Variants in CADM2 observed in about 807,000 individuals in gnomAD.
The protein encoded by CADM2 is immunoglobulin superfamily member 4D.
CADM2 carries 12 observed loss-of-function variants against 49.8 expected under a neutral mutation model. That is an observed-to-expected ratio of 0.24 (90% confidence interval 0.15 to 0.39). CADM2 has a LOEUF of 0.39. Among genes scored for constraint, CADM2 ranks in the 10% least tolerant of loss-of-function variants. CADM2 has a pLI of 1.00. For missense variants in CADM2, 378 were observed against 492.3 expected (o/e 0.77, Z 2.20); for synonymous variants, 214 against 175.4 (o/e 1.22, Z -1.74).
At chr3:84,962,265 C>T (rs1482087297) in intron 1 of CADM2, among the ~76,000 whole-genome samples, 2 of 148,494 alleles carry the variant, frequency 1.3e-5, no homozygotes, top group African/African-American at 5.0e-5. Context: ...AAAAGAGATA[C>T]GAGGATTTAA....
chr3:85,877,833 T>C lies in CADM2; in HGVS notation c.239-5458T>C, dbSNP rs181210746. Among the ~76,000 whole-genome samples, 357 of 152,096 alleles carry C rather than the reference T, an allele frequency of 2.3e-3. 4 individuals are homozygous for C. Among genetic ancestry groups the C allele is most frequent in the African/African-American group, 8.4e-3 (347 of 41,522 alleles). On this transcript the variant is annotated intron_variant, in intron 3 of 9. Coordinates refer to ENST00000383699, the MANE Select transcript of CADM2 (RefSeq NM_001167675.2). ...AGTTTAGCTCTCAGTTTCAATTCAATAGCTACTCACTGAATGCCTACTGTG... is the reference window on the plus strand; with the variant it reads ...AGTTTAGCTCTCAGTTTCAATTCAACAGCTACTCACTGAATGCCTACTGTG...
chr3:85,508,204 T>C (rs1301895516), intron 1 of CADM2, among the ~76,000 whole-genome samples: 1 of 152,198 alleles, frequency 6.6e-6, no homozygotes. Flanking sequence ...TTATATCCTT[T>C]GGCTTTTTAT....
chr3:85,411,302 T>A (rs1023973613), intron 1 of CADM2, among the ~76,000 whole-genome samples: 3 of 152,150 alleles, frequency 2.0e-5, no homozygotes, highest in Admixed American at 6.5e-5. Flanking sequence ...TGCAGTAGCA[T>A]TCATGAACAT....
intron 1 of CADM2, among the ~76,000 whole-genome samples, chr3:85,371,698 T>C (rs1483637538): frequency 7.0e-6 from 1 of 142,798 alleles, no homozygotes; most frequent in Non-Finnish European, 1.5e-5. Flanking sequence ...TATATATATA[T>C]ATATATATAT....
At chr3:85,745,260 T>G (rs1260364242) in intron 2 of CADM2, among the ~76,000 whole-genome samples, 4 of 152,156 alleles carry the variant, frequency 2.6e-5, no homozygotes, top group African/African-American at 9.7e-5. Flanking sequence ...AAATTGAAGT[T>G]GTTAAAAATA....
intron 1 of CADM2, among the ~76,000 whole-genome samples, chr3:85,100,448 A>G (rs772008504): frequency 1.3e-5 from 2 of 152,164 alleles, no homozygotes; most frequent in African/African-American, 2.4e-5. Flanking sequence ...ATCTATCCTA[A>G]TGCATTGAAA....
intron 8 of CADM2, among the ~76,000 whole-genome samples, chr3:86,008,479 C>G (rs964087003): frequency 6.6e-6 from 1 of 152,010 alleles, no homozygotes; most frequent in African/African-American, 2.4e-5. Flanking sequence ...ATTTTATGTG[C>G]ATTTTATTTT....
intron 3 of CADM2, among the ~76,000 whole-genome samples, chr3:85,851,504 A>G (rs1195132048): frequency 6.6e-6 from 1 of 151,932 alleles, no homozygotes; most frequent in African/African-American, 2.4e-5. Flanking sequence ...ACTTTTTAAA[A>G]TACAAAGAAA....
At chr3:85,501,973 T>C (rs1020798011) in intron 1 of CADM2, among the ~76,000 whole-genome samples, 5 of 150,544 alleles carry the variant, frequency 3.3e-5, no homozygotes, top group African/African-American at 1.0e-4. Context: ...AAAAGACTAA[T>C]ATAATTCTTC....
chr3:85,755,248 C>A (rs549093064), intron 2 of CADM2, among the ~76,000 whole-genome samples: 2 of 152,120 alleles, frequency 1.3e-5, no homozygotes, highest in Non-Finnish European at 2.9e-5. Flanking sequence ...CTCTCCTCCC[C>A]CTCCAGGTTG....
chr3:85,099,655 A>G (rs1195094155), intron 1 of CADM2, among the ~76,000 whole-genome samples: 1 of 152,006 alleles, frequency 6.6e-6, no homozygotes, highest in African/African-American at 2.4e-5. Context: ...TTTTTAGTGG[A>G]GACGGGGTTT....
At chr3:85,130,207 C>T (rs749178781) in intron 1 of CADM2, among the ~76,000 whole-genome samples, 3 of 152,196 alleles carry the variant, frequency 2.0e-5, no homozygotes, top group Non-Finnish European at 4.4e-5. Context: ...TTTAGTGCCA[C>T]GTTCAGCATA....
intron 1 of CADM2, among the ~76,000 whole-genome samples, chr3:85,100,779 T>G (rs1331693400): frequency 6.6e-6 from 1 of 152,208 alleles, no homozygotes; most frequent in Non-Finnish European, 1.5e-5. Flanking sequence ...CAACTGCATT[T>G]TTAGAATCAG....
chr3:85,091,363 G>A (rs2037590885), intron 1 of CADM2, among the ~76,000 whole-genome samples: 1 of 151,876 alleles, frequency 6.6e-6, no homozygotes. Flanking sequence ...CTGTAGTTTG[G>A]ATTACATCTT....
intron 1 of CADM2, among the ~76,000 whole-genome samples, chr3:85,083,926 C>T (rs1329930081): frequency 6.6e-6 from 1 of 152,070 alleles, no homozygotes; most frequent in East Asian, 1.9e-4. Context: ...TAAAAATAAG[C>T]CTATAATGAT....
chr3:85,114,159 G>T (rs2038559422), intron 1 of CADM2, among the ~76,000 whole-genome samples: 1 of 152,018 alleles, frequency 6.6e-6, no homozygotes, highest in African/African-American at 2.4e-5. Flanking sequence ...TCTGCAATTA[G>T]GGTTGCAAGG....
intron 2 of CADM2, among the ~76,000 whole-genome samples, chr3:85,752,137 G>A (rs2068887576): frequency 6.6e-6 from 1 of 152,126 alleles, no homozygotes; most frequent in African/African-American, 2.4e-5. Flanking sequence ...TCAACCTGAA[G>A]ATGCAAAAGG....
chr3:85,306,360 C>T (rs994953007), intron 1 of CADM2, among the ~76,000 whole-genome samples: 1 of 151,644 alleles, frequency 6.6e-6, no homozygotes, highest in African/African-American at 2.4e-5. Flanking sequence ...AATCAAAAAA[C>T]AAATTATTGA....
intron 8 of CADM2, among the ~76,000 whole-genome samples, chr3:86,032,977 C>A (rs1734726513): frequency 6.6e-6 from 1 of 151,772 alleles, no homozygotes; most frequent in African/African-American, 2.4e-5. Context: ...CTATAGCAAC[C>A]TTTATCAATC....
Sources: gnomAD v4.1 joint callset for allele counts (sites outside exome capture counted in the v4.1 genomes callset) on GRCh38, gnomAD v4.1.1 for gene constraint, MANE v1.5 for transcripts, NCBI Gene and HGNC (gene_info 2026-07-23, HGNC 2026-07-21) for gene names.